The following ZCCHC7 variants were observed in gnomAD, a reference collection of about 807,000 sequenced individuals.
ZCCHC7 encodes zinc finger CCHC-type containing 7.
Under a neutral mutation model 52.0 loss-of-function variants are expected in ZCCHC7, and 35 were observed. The ratio of observed to expected loss-of-function variants is 0.67; its 90% CI spans 0.51 to 0.89. ZCCHC7 has a LOEUF of 0.89. ZCCHC7 is among the 40% of genes least tolerant of loss of function. The probability of loss-of-function intolerance (pLI) is 0.00; values close to 1 mark genes in which losing one functional copy is unlikely to be tolerated. For synonymous variants in ZCCHC7, 217 were observed against 221.5 expected, an observed-to-expected ratio of 0.98 and a Z score of 0.18; for missense variants, 574 against 649.1, an observed-to-expected ratio of 0.88 and a Z score of 1.26.
intron 2 of ZCCHC7, among the ~76,000 whole-genome samples, chr9:37,194,706 G>A (rs934342717): frequency 7.9e-5 from 12 of 152,118 alleles, no homozygotes; most frequent in African/African-American, 2.4e-4. Context: ...GCTGGAATTC[G>A]TTTTAAGGAT....
At position 37,282,133 on chromosome 9, in the gene ZCCHC7, G is replaced by A. The variant is rs139329823; in HGVS notation, c.611-20055G>A. ...AGTAGAGTAAGAATGTACCCTCCAT[G>A]TTTTCTATCAAAAATAAAATATTAA... On this transcript the variant is annotated intron_variant, in intron 2 of 8. Coordinates refer to ENST00000336755, the MANE Select transcript of ZCCHC7 (RefSeq NM_032226.3). 3.4e-3 allele frequency among the ~76,000 whole-genome samples: 517 copies of A among 152,154 alleles called. 4 individuals are homozygous for A. The highest frequency in any genetic ancestry group is 0.017 in the Middle Eastern group (5 of 294).
intron 2 of ZCCHC7, among the ~76,000 whole-genome samples, chr9:37,168,825 G>A (rs199763460): frequency 6.6e-6 from 1 of 152,142 alleles, no homozygotes; most frequent in East Asian, 1.9e-4. Flanking sequence ...AGATGCTGGA[G>A]GGACACAGCC....
intron 2 of ZCCHC7, among the ~76,000 whole-genome samples, chr9:37,282,233 A>G (rs1268666354): frequency 1.3e-5 from 2 of 152,214 alleles, no homozygotes; most frequent in African/African-American, 4.8e-5. Flanking sequence ...AATGTACTTA[A>G]TACCACTGAA....
In ZCCHC7 at chr9:37,304,999, T is replaced by A. The variant is rs1039265396; in HGVS notation, c.781-545T>A. 3.3e-5 allele frequency among the ~76,000 whole-genome samples: 5 copies of A among 152,240 alleles called. No homozygotes were observed. The South Asian group carries it at 6.2e-4, about 19-fold the overall frequency. On this transcript the variant is annotated intron_variant, in intron 4 of 8. Transcript: ENST00000336755. ...AGAAAATTATAATTTGGGGCATTTT[T>A]AAATGTTTATTAATGTAAGTTACGT...
chr9:37,323,392 T>A (rs1830124958), intron 5 of ZCCHC7, among the ~76,000 whole-genome samples: 1 of 152,206 alleles, frequency 6.6e-6, no homozygotes, highest in African/African-American at 2.4e-5. Context: ...CTTGTCAGTT[T>A]CCCTGATTAC....
intron 6 of ZCCHC7, among the ~76,000 whole-genome samples, chr9:37,342,761 C>T (rs1820722372): frequency 6.6e-6 from 1 of 152,206 alleles, no homozygotes; most frequent in African/African-American, 2.4e-5. Context: ...TGAGGGAGCA[C>T]TCTTACTGTT....
At chr9:37,259,422 A>G (rs143846083) in intron 2 of ZCCHC7, among the ~76,000 whole-genome samples, 35 of 152,296 alleles carry the variant, frequency 2.3e-4, no homozygotes, top group Admixed American at 7.8e-4. Context: ...ATACTTTTAT[A>G]AAGTTTCATT....
At chr9:37,165,737 C>G (rs1821381734) in intron 2 of ZCCHC7, among the ~76,000 whole-genome samples, 1 of 152,164 alleles carries the variant, frequency 6.6e-6, no homozygotes. Context: ...CATAAACACA[C>G]TCTTTGAGGC....
intron 2 of ZCCHC7, among the ~76,000 whole-genome samples, chr9:37,200,025 G>A (rs1025453322): frequency 1.3e-5 from 2 of 152,046 alleles, no homozygotes; most frequent in African/African-American, 2.4e-5. Context: ...TTCTTACCGC[G>A]CTCTGCTCCC....
chr9:37,167,908 T>C (rs1443234285), intron 2 of ZCCHC7, among the ~76,000 whole-genome samples: 1 of 152,238 alleles, frequency 6.6e-6, no homozygotes, highest in Admixed American at 6.5e-5. Flanking sequence ...TGTAATCCTT[T>C]TGGGTGATTC....
chr9:37,227,606 A>C (rs937258797), intron 2 of ZCCHC7, among the ~76,000 whole-genome samples: 3 of 152,212 alleles, frequency 2.0e-5, no homozygotes, highest in Admixed American at 6.5e-5. Context: ...AAGAGAACTG[A>C]AAACATGTCC....
At chr9:37,162,773 A>G (rs1332962799) in intron 2 of ZCCHC7, among the ~76,000 whole-genome samples, 1 of 152,188 alleles carries the variant, frequency 6.6e-6, no homozygotes, top group Non-Finnish European at 1.5e-5. Flanking sequence ...TTATCTTTCG[A>G]AGGAAACAAC....
In ZCCHC7 at chr9:37,231,068, C is replaced by G. The variant is rs1030054803; in HGVS notation, c.611-71120C>G. ...AAGCAATTCTCCTGCGTCAGCCTCC[C>G]CAGCAGTTGGGACTACAGGGTGTGC... On this transcript the variant is annotated intron_variant, in intron 2 of 8. Transcript: ENST00000336755. 5.9e-5 allele frequency among the ~76,000 whole-genome samples: 9 copies of G among 152,194 alleles called. No individual in the cohort carries two copies. The South Asian group carries it at 1.9e-3, about 32-fold the overall frequency.
At chr9:37,242,824 G>C (rs953877492) in intron 2 of ZCCHC7, among the ~76,000 whole-genome samples, 1 of 151,522 alleles carries the variant, frequency 6.6e-6, no homozygotes, top group Non-Finnish European at 1.5e-5. Flanking sequence ...CTTTACATAC[G>C]CTTAAACAAA....
At chr9:37,255,535 C>T (rs1239987028) in intron 2 of ZCCHC7, among the ~76,000 whole-genome samples, 2 of 152,068 alleles carry the variant, frequency 1.3e-5, no homozygotes, top group Non-Finnish European at 2.9e-5. Context: ...CTGGAATTTT[C>T]ATATAATATT....
intron 2 of ZCCHC7, among the ~76,000 whole-genome samples, chr9:37,210,451 G>C (rs1824156851): frequency 6.6e-6 from 1 of 151,966 alleles, no homozygotes; most frequent in Non-Finnish European, 1.5e-5. Context: ...TTATATTACT[G>C]ATCTTTTTCA....
At chr9:37,127,871 C>A (rs182717662) in intron 2 of ZCCHC7, among the ~76,000 whole-genome samples, 71 of 152,126 alleles carry the variant, frequency 4.7e-4, no homozygotes, top group African/African-American at 1.6e-3. Context: ...GGATTCCAAG[C>A]CATGTGATAT....
chr9:37,198,700 C>T (rs1469354830), intron 2 of ZCCHC7, among the ~76,000 whole-genome samples: 1 of 152,196 alleles, frequency 6.6e-6, no homozygotes, highest in Non-Finnish European at 1.5e-5. Flanking sequence ...ATAGAGCTTG[C>T]TCCCTCAAAC....
chr9:37,213,305 G>C lies in ZCCHC7; in HGVS notation c.610+86363G>C, dbSNP rs1824336486. On this transcript the variant is annotated intron_variant, in intron 2 of 8. Transcript: ENST00000336755. ...ATAGTGTTATTTCCTTGTTTAAAGG[G>C]GGCAAGCAAATAGTTTTAGCTAAAA... Among the ~76,000 whole-genome samples, 3 of 151,992 alleles carry C rather than the reference G, an allele frequency of 2.0e-5. No individual in the cohort carries two copies. In the South Asian group the frequency reaches 6.2e-4, roughly 32 times the overall value.
Sources: gnomAD v4.1 joint callset for allele counts (sites outside exome capture counted in the v4.1 genomes callset) on GRCh38, gnomAD v4.1.1 for gene constraint, MANE v1.5 for transcripts, NCBI Gene and HGNC (gene_info 2026-07-23, HGNC 2026-07-21) for gene names.